LRBA: variants seen among roughly 807,000 people sequenced by gnomAD.
LRBA encodes LPS responsive beige-like anchor protein, also known as lipopolysaccharide-responsive and beige-like anchor protein.
LRBA carries 176 observed loss-of-function variants against 330.0 expected under a neutral mutation model. The observed-to-expected ratio is 0.53, with a 90% confidence interval of 0.47 to 0.60. The LOEUF is 0.60. LRBA is among the 20% of genes least tolerant of loss of function. LRBA has a pLI of 0.00. For synonymous variants in LRBA, 1,230 were observed against 1,193.0 expected (o/e 1.03, Z -0.64); for missense variants, 3,259 against 3,444.8 (o/e 0.95, Z 1.35).
chr4:151,010,720 A>G (rs1170513964), intron 2 of LRBA, among the ~76,000 whole-genome samples: 1 of 151,876 alleles, frequency 6.6e-6, no homozygotes, highest in Non-Finnish European at 1.5e-5. Context: ...AATTTCTACT[A>G]AAAATACAAA....
Position 150,325,789 on chromosome 4 carries a change from A to G in LRBA, c.7452+20T>C. On this transcript the variant is annotated intron_variant, in intron 49 of 56. Coordinates refer to ENST00000651943, the MANE Select transcript of LRBA (RefSeq NM_001364905.1). ...TCTGAAGGAGAGGCAAGAAATGAGG[A>G]GAGTAAAAATAGCACTTACCACTTG... The G allele has an allele frequency of 6.6e-7, 1 of 1,516,798 alleles. No individual in the cohort carries two copies. 94.0% of individuals were successfully genotyped at this position (1,516,798 alleles called of 1,614,324 possible). A position where few individuals can be genotyped will look rare whatever the true frequency, so the allele number is the denominator to read the frequency against.
chr4:151,014,586 T>G lies in LRBA; in HGVS notation c.57A>C (p.Gly19=). The change falls in exon 2 of 57, where the codon GGA becomes GGC. Residue 19 remains glycine (G), a synonymous_variant. Transcript: ENST00000651943. The part of the protein sequence containing the change: ...PSPPPTGDDG[G]GGGREETPTE... ...TAGGGGTTTCTTCTCTCCCTCCACC[T>G]CCCCCGTCATCACCTGTTGGTGGCG... The G allele has an allele frequency of 6.2e-7, 1 of 1,611,174 alleles. No individual in the cohort carries two copies. The highest frequency in any genetic ancestry group is 1.1e-5 in the South Asian group (1 of 90,540).
intron 40 of LRBA, among the ~76,000 whole-genome samples, chr4:150,574,336 C>T (rs1770262041): frequency 6.6e-6 from 1 of 152,006 alleles, no homozygotes; most frequent in African/African-American, 2.4e-5. Flanking sequence ...TAGAGCAGCA[C>T]TGAAAGCCTA....
chr4:150,359,516 A>T (rs1462635156), intron 47 of LRBA, among the ~76,000 whole-genome samples: 4 of 152,218 alleles, frequency 2.6e-5, no homozygotes, highest in Non-Finnish European at 5.9e-5. Flanking sequence ...TTGGGTGATC[A>T]GTTTGAACCT....
In LRBA at chr4:150,583,137, G is replaced by A. The variant is rs1243304319; in HGVS notation, c.6330+4911C>T. ...CCAAAACCATCCGAGAGGTCTGTAA[G>A]GTGGTCTCGGACGTGCTCAAGGAAG... On this transcript the variant is annotated intron_variant, in intron 40 of 56. Coordinates refer to ENST00000651943, the MANE Select transcript of LRBA (RefSeq NM_001364905.1). This position sits in a 1 kb window ranked among gnomAD's most constrained non-coding sequence, Gnocchi z 9.8. The A allele has an allele frequency of 1.9e-6, 3 of 1,614,106 alleles. No individual in the cohort carries two copies. The highest frequency in any genetic ancestry group is 8.5e-7 in the Non-Finnish European group (1 of 1,180,046).
intron 40 of LRBA, among the ~76,000 whole-genome samples, chr4:150,510,008 T>A (rs1279260350): frequency 6.6e-6 from 1 of 152,126 alleles, no homozygotes; most frequent in African/African-American, 2.4e-5. Flanking sequence ...TGGTGGCACA[T>A]GCCTGTAATC....
intron 40 of LRBA, among the ~76,000 whole-genome samples, chr4:150,536,083 G>C (rs554866753): frequency 6.6e-6 from 1 of 152,222 alleles, no homozygotes; most frequent in East Asian, 1.9e-4. Context: ...TAAGTGCAGA[G>C]GTAGGACACT....
chr4:150,754,066 C>CA (rs113747160), intron 35 of LRBA, among the ~76,000 whole-genome samples: 160 of 112,506 alleles, frequency 1.4e-3, no homozygotes, highest in East Asian at 4.5e-3. Context: ...AGACTCCATC[C>CA]AAAAAAAAAA....
At chr4:150,833,787 T>C (rs1351798441) in intron 28 of LRBA, among the ~76,000 whole-genome samples, 1 of 151,972 alleles carries the variant, frequency 6.6e-6, no homozygotes, top group Non-Finnish European at 1.5e-5. Flanking sequence ...TAACTGAATC[T>C]TTCTTTCACA....
At chr4:150,912,191 G>A (rs943602064) in intron 9 of LRBA, among the ~76,000 whole-genome samples, 1 of 151,706 alleles carries the variant, frequency 6.6e-6, no homozygotes, top group Non-Finnish European at 1.5e-5. Flanking sequence ...TATTCCAGGG[G>A]TCCCTAACCA....
At chr4:150,851,404 C>A (rs1047291208) in intron 23 of LRBA, among the ~76,000 whole-genome samples, 1 of 152,164 alleles carries the variant, frequency 6.6e-6, no homozygotes, top group Non-Finnish European at 1.5e-5. Flanking sequence ...ATGGGTCACT[C>A]TGAGATATGG....
intron 47 of LRBA, among the ~76,000 whole-genome samples, chr4:150,414,909 T>C (rs1388439477): frequency 6.6e-6 from 1 of 152,188 alleles, no homozygotes; most frequent in African/African-American, 2.4e-5. Flanking sequence ...ACCCAGATAA[T>C]GAAGGACACT....
chr4:150,285,905 C>T, intron 54 of LRBA, 28 bp downstream of exon 54: 1 of 1,387,828 alleles, frequency 7.2e-7, no homozygotes, highest in Non-Finnish European at 9.6e-7. Flanking sequence ...AGAAATGCAT[C>T]CATTTTGTGA....
intron 44 of LRBA, among the ~76,000 whole-genome samples, chr4:150,445,344 CCTCTCTCTCTCT>C (rs1317931739): frequency 1.7e-5 from 1 of 59,230 alleles, no homozygotes; most frequent in African/African-American, 6.7e-5. Flanking sequence ...TTTCGGAAAA[CCTCTCTCTCTCT>C]CTCTCTCTCT....
chr4:150,306,402 T>C (rs1487287861), intron 52 of LRBA, among the ~76,000 whole-genome samples: 1 of 152,228 alleles, frequency 6.6e-6, no homozygotes, highest in African/African-American at 2.4e-5. Context: ...AAAAAATATT[T>C]AATATTCCTA....
At chr4:150,514,449 T>C (rs557617568) in intron 40 of LRBA, among the ~76,000 whole-genome samples, 2 of 152,226 alleles carry the variant, frequency 1.3e-5, no homozygotes, top group Admixed American at 6.5e-5. Context: ...ATACCCAGTA[T>C]AGCCCCACTC....
chr4:150,418,493 T>A lies in LRBA; in HGVS notation c.7042-2903A>T, dbSNP rs199522135. Among the ~76,000 whole-genome samples, 35 of 152,316 alleles carry A rather than the reference T, an allele frequency of 2.3e-4. No homozygotes were observed. In the East Asian group the frequency reaches 6.6e-3, roughly 29 times the overall value. ...TTCAGCTACATAATATCTATCATGC[T>A]GGGAAGAAGGTAATAACCATCAGTT... On this transcript the variant is annotated intron_variant, in intron 46 of 56. Coordinates refer to ENST00000651943, the MANE Select transcript of LRBA (RefSeq NM_001364905.1).
intron 36 of LRBA, among the ~76,000 whole-genome samples, chr4:150,695,569 C>T (rs1400858196): frequency 6.6e-6 from 1 of 152,156 alleles, no homozygotes; most frequent in African/African-American, 2.4e-5. Flanking sequence ...CCTCCTGCCT[C>T]AGCCTCCCAA....
chr4:150,494,617 T>G (rs750304176), intron 40 of LRBA, among the ~76,000 whole-genome samples: 3 of 152,224 alleles, frequency 2.0e-5, no homozygotes, highest in Non-Finnish European at 4.4e-5. Context: ...TCCATTCCCT[T>G]AAACAGTATG....
Sources: gnomAD v4.1 joint callset for allele counts (sites outside exome capture counted in the v4.1 genomes callset) on GRCh38, gnomAD v4.1.1 for gene constraint, Gnocchi (gnomAD v3.1) non-coding constraint, MANE v1.5 for transcripts, NCBI Gene and HGNC (gene_info 2026-07-23, HGNC 2026-07-21) for gene names.